Variants in CADM2 observed in about 807,000 individuals in gnomAD.
CADM2 encodes cell adhesion molecule 2.
CADM2 carries 12 observed loss-of-function variants against 49.8 expected under a neutral mutation model. The observed-to-expected ratio is 0.24, with a 90% CI of 0.15 to 0.39. The LOEUF (loss-of-function observed/expected upper bound fraction) is 0.39, where lower values mean the gene tolerates loss of function less well. Ranked by LOEUF, CADM2 falls within the 10% of genes least tolerant of loss-of-function variation. CADM2 has a pLI of 1.00. For missense variants in CADM2, 378 were observed against 492.3 expected, an observed-to-expected ratio of 0.77 and a Z score of 2.20; for synonymous variants, 214 against 175.4, an observed-to-expected ratio of 1.22 and a Z score of -1.74.
chr3:85,283,890 A>C (rs1357808402), intron 1 of CADM2, among the ~76,000 whole-genome samples: 1 of 152,190 alleles, frequency 6.6e-6, no homozygotes, highest in Non-Finnish European at 1.5e-5. Context: ...CAAGAAGGAC[A>C]TATCTAAGCC....
At chr3:86,060,957 GGGCTACAGAGCAAGGCTAT>G (rs1258454023) in intron 8 of CADM2, among the ~76,000 whole-genome samples, 1 of 151,482 alleles carries the variant, frequency 6.6e-6, no homozygotes, top group East Asian at 2.0e-4. Flanking sequence ...ACTCCAGCCT[GGGCTACAGAGCAAGGCTAT>G]GTCTCAATAA....
chr3:85,729,567 G>T, intron 2 of CADM2, among the ~76,000 whole-genome samples: 1 of 152,108 alleles, frequency 6.6e-6, no homozygotes, highest in East Asian at 1.9e-4. Context: ...TACTCTTCAC[G>T]CGTAAATTTT....
At chr3:86,062,687 A>C (rs1341368569) in intron 8 of CADM2, among the ~76,000 whole-genome samples, 4 of 152,124 alleles carry the variant, frequency 2.6e-5, no homozygotes, top group African/African-American at 9.7e-5. Context: ...GCTACTTGGA[A>C]GGCTGAGGCA....
chr3:85,468,273 G>A (rs1166570260), intron 1 of CADM2, among the ~76,000 whole-genome samples: 1 of 151,526 alleles, frequency 6.6e-6, no homozygotes, highest in Non-Finnish European at 1.5e-5. Context: ...TTTTCTGCAG[G>A]TACTCTGGTT....
At chr3:85,180,171 A>G (rs955495900) in intron 1 of CADM2, among the ~76,000 whole-genome samples, 1 of 152,150 alleles carries the variant, frequency 6.6e-6, no homozygotes, top group African/African-American at 2.4e-5. Flanking sequence ...ATGATTTTTG[A>G]TACCTGAAGA....
At chr3:86,015,001 T>C in intron 8 of CADM2, 1 of 1,043,632 alleles carries the variant, frequency 9.6e-7, no homozygotes, top group Non-Finnish European at 1.5e-6. Context: ...AACTTGGCTT[T>C]GCTTAACATA....
At chr3:85,073,372 C>A (rs1264413551) in intron 1 of CADM2, among the ~76,000 whole-genome samples, 2 of 152,066 alleles carry the variant, frequency 1.3e-5, no homozygotes, top group Non-Finnish European at 2.9e-5. Context: ...CTCTAAGTAA[C>A]CAAATCATGC....
intron 1 of CADM2, among the ~76,000 whole-genome samples, chr3:85,656,543 G>A (rs2065202717): frequency 6.6e-6 from 1 of 152,114 alleles, no homozygotes; most frequent in Non-Finnish European, 1.5e-5. Context: ...TTAAACCTGA[G>A]AGGCGGAGGT....
chr3:85,883,004 T>A lies in CADM2; in HGVS notation c.239-287T>A, dbSNP rs573856617. Reference sequence around the variant, plus strand: ...AAACATTTGCAGAGGAAAGCTATGTTTATCAACATCAGTATCTACCTCATC... The same window carrying A: ...AAACATTTGCAGAGGAAAGCTATGTATATCAACATCAGTATCTACCTCATC... On this transcript the variant is annotated intron_variant, in intron 3 of 9. Coordinates refer to ENST00000383699, the MANE Select transcript of CADM2 (RefSeq NM_001167675.2). Among the ~76,000 whole-genome samples the A allele has an allele frequency of 1.9e-3, 290 of 152,328 alleles. 1 individual carries two copies. The highest frequency in any genetic ancestry group is 6.6e-3 in the South Asian group (32 of 4,828).
intron 1 of CADM2, among the ~76,000 whole-genome samples, chr3:85,449,052 A>AAAATAATAATAAT (rs71617939): frequency 7.4e-5 from 8 of 107,406 alleles, no homozygotes; most frequent in Non-Finnish European, 1.5e-4. Flanking sequence ...TCCAACTCAA[A>AAAATAATAATAAT]AATAATAATA....
At chr3:85,271,479 G>C (rs1258287226) in intron 1 of CADM2, among the ~76,000 whole-genome samples, 1 of 151,236 alleles carries the variant, frequency 6.6e-6, no homozygotes, top group Non-Finnish European at 1.5e-5. Flanking sequence ...GAAACAGAAG[G>C]CGTTTCCCAA....
chr3:85,706,928 T>C (rs920843871), intron 1 of CADM2, among the ~76,000 whole-genome samples: 5 of 152,116 alleles, frequency 3.3e-5, no homozygotes, highest in Non-Finnish European at 7.4e-5. Flanking sequence ...TATGCATATG[T>C]ATCTGAATGT....
intron 8 of CADM2, among the ~76,000 whole-genome samples, chr3:86,040,020 G>A (rs554678191): frequency 1.4e-4 from 21 of 152,298 alleles, no homozygotes; most frequent in Admixed American, 6.5e-4. Flanking sequence ...GCAGCTGAGG[G>A]TCCTGACTGT....
intron 1 of CADM2, among the ~76,000 whole-genome samples, chr3:85,361,221 TTGG>T (rs2032334833): frequency 6.6e-6 from 1 of 152,142 alleles, no homozygotes; most frequent in Admixed American, 6.6e-5. Flanking sequence ...TTAGCAGTGC[TTGG>T]TGGGGGCAGA....
chr3:85,344,471 T>C, intron 1 of CADM2, among the ~76,000 whole-genome samples: 1 of 151,822 alleles, frequency 6.6e-6, no homozygotes, highest in Non-Finnish European at 1.5e-5. Flanking sequence ...ATTATTTATT[T>C]TTAAGATGTA....
intron 1 of CADM2, among the ~76,000 whole-genome samples, chr3:85,223,966 G>T (rs1301377379): frequency 1.3e-5 from 2 of 152,106 alleles, no homozygotes; most frequent in Admixed American, 6.6e-5. Context: ...GTATTCCATT[G>T]TGTATATGTG....
chr3:85,826,461 A>G (rs2073916553), intron 3 of CADM2, among the ~76,000 whole-genome samples: 1 of 152,050 alleles, frequency 6.6e-6, no homozygotes, highest in South Asian at 2.1e-4. Flanking sequence ...TGTTTTTCTT[A>G]AAATGAATTT....
At chr3:85,241,828 G>A (rs2042537629) in intron 1 of CADM2, among the ~76,000 whole-genome samples, 1 of 151,250 alleles carries the variant, frequency 6.6e-6, no homozygotes, top group African/African-American at 2.4e-5. Flanking sequence ...TGCACTTCTG[G>A]AAAATTTTAT....
chr3:85,964,205 G>A (rs975447496), intron 8 of CADM2, among the ~76,000 whole-genome samples: 1 of 151,816 alleles, frequency 6.6e-6, no homozygotes, highest in African/African-American at 2.4e-5. Flanking sequence ...TTTTTGGAAT[G>A]GAGTGATAAG....
Sources: allele counts gnomAD v4.1 joint callset (sites outside exome capture counted in the v4.1 genomes callset), GRCh38; gene constraint gnomAD v4.1.1; transcripts MANE v1.5; gene names NCBI Gene and HGNC (gene_info 2026-07-23, HGNC 2026-07-21).